The following REV1 variants were observed in gnomAD, a reference collection of about 807,000 sequenced individuals.
The protein encoded by REV1 is translesion synthesis protein REV1.
In REV1, 42 loss-of-function variants were observed where a neutral mutation model predicts 137.4. The ratio of observed to expected loss-of-function variants is 0.31; its 90% CI spans 0.24 to 0.40. The LOEUF (loss-of-function observed/expected upper bound fraction) is 0.40. REV1 is among the 10% of genes least tolerant of loss of function. The pLI is 1.00. For missense variants in REV1, 1,282 were observed against 1,490.1 expected (o/e 0.86, Z 2.30); for synonymous variants, 524 against 519.2 (o/e 1.01, Z -0.12).
chr2:99,477,540 C>G (rs1424623615), intron 1 of REV1, among the ~76,000 whole-genome samples: 1 of 152,184 alleles, frequency 6.6e-6, no homozygotes, highest in Non-Finnish European at 1.5e-5. Flanking sequence ...CCTGTTACAG[C>G]AGCTTAGCCT....
At chr2:99,406,763 T>G (rs1446071149) in intron 15 of REV1, 1 of 246,278 alleles carries the variant, frequency 4.1e-6, no homozygotes, top group African/African-American at 2.2e-5. Context: ...TCCAAACAAG[T>G]GGAATACTGT....
In REV1 at chr2:99,438,991, T is replaced by C; in HGVS notation, c.823A>G (p.Thr275Ala). 6.2e-7 allele frequency: 1 copy of C among 1,614,166 alleles called. No individual in the cohort carries two copies. Among genetic ancestry groups the C allele is most frequent in the Non-Finnish European group, 8.5e-7 (1 of 1,180,032 alleles). The change falls in exon 6 of 23, where the codon ACT (threonine) becomes GCT (alanine). Residue 275 changes from threonine (T) to alanine (A), a missense_variant. Thr to Ala is a moderately conservative substitution (Grantham distance 58). Around this residue, in one of 7 missense-constraint regions of REV1, gnomAD observed 432 missense variants for 438.0 expected, o/e 0.99. Coordinates refer to ENST00000258428, the MANE Select transcript of REV1 (RefSeq NM_016316.4). ...GTGCTTTGCTGCAACTGCTGCAGAG[T>C]GCAGTCTCTGAAATCAGTGCTGCTC... ...EKSSTDFRDC[T>A]LQQLQQSTRN...
chr2:99,423,839 T>C (rs1349843524), intron 10 of REV1, among the ~76,000 whole-genome samples: 3 of 152,212 alleles, frequency 2.0e-5, no homozygotes, highest in Non-Finnish European at 2.9e-5. Flanking sequence ...AAAAATTCCA[T>C]CCTTCATCTA....
At chr2:99,421,905 C>CA (rs1351322990) in intron 10 of REV1, among the ~76,000 whole-genome samples, 2 of 151,788 alleles carry the variant, frequency 1.3e-5, no homozygotes, top group Non-Finnish European at 2.9e-5. Context: ...AAATAACCAA[C>CA]AAAAAAAATT....
chr2:99,487,860 G>A (rs1325034371), intron 1 of REV1, among the ~76,000 whole-genome samples: 1 of 117,754 alleles, frequency 8.5e-6, no homozygotes, highest in Non-Finnish European at 1.8e-5. Context: ...ATTCTAGATT[G>A]TGAACTGCAA....
chr2:99,460,326 C>T (rs1287125905), intron 3 of REV1, among the ~76,000 whole-genome samples: 2 of 152,148 alleles, frequency 1.3e-5, no homozygotes, highest in African/African-American at 2.4e-5. Context: ...CTGCCCGCCT[C>T]GGCCTCCCAA....
intron 11 of REV1, 103 bp downstream of exon 11, chr2:99,421,396 A>C: frequency 8.9e-7 from 1 of 1,121,898 alleles, no homozygotes; most frequent in Non-Finnish European, 1.3e-6. Flanking sequence ...AAACGGTTTT[A>C]CAAGTGAGAG....
chr2:99,424,506 A>G, intron 9 of REV1: 1 of 522,990 alleles, frequency 1.9e-6, no homozygotes, highest in South Asian at 2.2e-5. Flanking sequence ...CAACTATGTC[A>G]TTAAAATACC....
intron 3 of REV1, 52 bp downstream of exon 3, chr2:99,462,444 C>A: frequency 6.6e-7 from 1 of 1,512,234 alleles, no homozygotes; most frequent in Non-Finnish European, 9.0e-7. Flanking sequence ...AAATCATTCT[C>A]AATCCTAATA....
At chr2:99,484,331 G>A (rs1462876265) in intron 1 of REV1, among the ~76,000 whole-genome samples, 1 of 151,946 alleles carries the variant, frequency 6.6e-6, no homozygotes, top group African/African-American at 2.4e-5. Context: ...CATGACACTA[G>A]TTTATCTATA....
chr2:99,402,396 AAGTC>A (rs747645691), intron 21 of REV1, 50 bp from the exon 22 acceptor site: 19 of 957,064 alleles, frequency 2.0e-5, no homozygotes, highest in Admixed American at 9.5e-5. Flanking sequence ...TTGAAGGAGA[AAGTC>A]AGAGATCTGC....
At chr2:99,407,980 A>G (rs199901052) in intron 15 of REV1, 49 bp downstream of exon 15, 41 of 1,144,772 alleles carry the variant, frequency 3.6e-5, no homozygotes, top group Non-Finnish European at 5.0e-5. Context: ...CTCAAAAATG[A>G]GAGATACATT....
At chr2:99,479,781 AT>A (rs1455746985) in intron 1 of REV1, among the ~76,000 whole-genome samples, 2 of 24,570 alleles carry the variant, frequency 8.1e-5, no homozygotes, top group African/African-American at 3.0e-4. Flanking sequence ...AAAAGTAAAA[AT>A]AATAATAATA....
chr2:99,474,037 GGAAA>G (rs1422069182), intron 1 of REV1, among the ~76,000 whole-genome samples: 4 of 152,082 alleles, frequency 2.6e-5, no homozygotes, highest in Non-Finnish European at 4.4e-5. Flanking sequence ...AAACAGAAAA[GGAAA>G]GAATTACCCA....
intron 3 of REV1, among the ~76,000 whole-genome samples, chr2:99,461,513 A>G (rs1307442666): frequency 6.6e-6 from 1 of 152,240 alleles, no homozygotes; most frequent in Non-Finnish European, 1.5e-5. Flanking sequence ...CGAGGCATGG[A>G]GACCTGAAAG....
intron 4 of REV1, among the ~76,000 whole-genome samples, chr2:99,443,975 C>A (rs1017203556): frequency 6.6e-6 from 1 of 152,094 alleles, no homozygotes; most frequent in South Asian, 2.1e-4. Flanking sequence ...CCTGCCACCA[C>A]GCCCGGCTAA....
rs10645145 is a variant in REV1, at chr2:99,473,365, C to CA, written c.-10-8381dup. ...CCTGGGCGACAGAGCGAGACTGTCT[C>CA]AAAAAAAAAAAAAAGAAAAGAAAAG... On this transcript the variant is annotated intron_variant, in intron 1 of 22. Transcript: ENST00000258428. Among the ~76,000 whole-genome samples, 390 of 111,960 alleles carry CA rather than the reference C, an allele frequency of 3.5e-3. 4 individuals carry two copies. Among genetic ancestry groups the CA allele is most frequent in the South Asian group, 6.1e-3 (20 of 3,282 alleles). The allele number at this position is 111,960 out of a possible 152,430, so 73.5% of individuals were successfully genotyped here. A position where few individuals can be genotyped will look rare whatever the true frequency, so the allele number is the denominator to read the frequency against.
In REV1 at chr2:99,400,500, A is replaced by AAAG. The variant is rs1457027450; in HGVS notation, c.*738_*740dup. On this transcript the variant is annotated 3_prime_UTR_variant, in exon 23 of 23. Transcript: ENST00000258428. ...TAGAATTTTAAACTATTTTTATTTT[A>AAAG]AAGTTATGGCATAACATATAACATA... The AAAG allele has an allele frequency of 6.6e-6, 1 of 152,184 alleles. No individual in the cohort carries two copies. The highest frequency in any genetic ancestry group is 1.5e-5 in the Non-Finnish European group (1 of 68,040). The allele number at this position is 152,184 out of a possible 1,614,324, so 9.4% of individuals were successfully genotyped here. A position where few individuals can be genotyped will look rare whatever the true frequency, so the allele number is the denominator to read the frequency against.
In REV1 at chr2:99,462,673, CCTT is replaced by C. The variant is rs754356585; in HGVS notation, c.55-54_55-52del. On this transcript the variant is annotated intron_variant, in intron 2 of 22. Transcript: ENST00000258428. ...ATCACAAAGGTTACATTTTCTCCCC[CCTT>C]TTTTGAAAAAAAAAAATTTTAAAAA... 2.5e-4 allele frequency: 399 copies of C among 1,566,996 alleles called. 3 individuals are homozygous for C. The highest frequency in any genetic ancestry group is 1.2e-3 in the Middle Eastern group (7 of 5,874).
Sources: gnomAD v4.1 joint callset for allele counts (sites outside exome capture counted in the v4.1 genomes callset) on GRCh38, gnomAD v4.1.1 for gene constraint, gnomAD v4.1.1 regional missense constraint, MANE v1.5 for transcripts, NCBI Gene and HGNC (gene_info 2026-07-23, HGNC 2026-07-21) for gene names.